The following RAB1B variants were observed in gnomAD, a reference collection of about 807,000 sequenced individuals.
RAB1B encodes ras-related protein Rab-1B.
RAB1B carries 10 observed loss-of-function variants against 24.8 expected under a neutral mutation model. The observed-to-expected ratio is 0.40, with a 90% confidence interval of 0.25 to 0.68. The LOEUF (loss-of-function observed/expected upper bound fraction) is 0.68, where lower values mean the gene tolerates loss of function less well. RAB1B is among the 30% of genes least tolerant of loss of function. The probability of loss-of-function intolerance (pLI) is 0.37; values close to 1 mark genes in which losing one functional copy is unlikely to be tolerated. For missense variants in RAB1B, 154 were observed against 271.2 expected (o/e 0.57, Z 3.04); for synonymous variants, 99 against 111.7 (o/e 0.89, Z 0.72).
In RAB1B at chr11:66,268,822, A is replaced by ACCG. The variant is rs1555003526; in HGVS notation, c.14+131_14+132insGCC. The ACCG allele has an allele frequency of 1.3e-5, 8 of 622,572 alleles. No homozygotes were observed. The African/African-American group carries it at 2.3e-4, about 18-fold the overall frequency. The allele number at this position is 622,572 out of a possible 1,614,324, so 38.6% of individuals were successfully genotyped here. ...CCACATCCGGGTCCCTCTTCCGCTG[A>ACCG]CCCCCCCCCACATCCGGGTTCTGCC... On this transcript the variant is annotated intron_variant, in intron 1 of 5. Transcript: ENST00000311481.
Position 66,276,295 on chromosome 11 carries a change from G to A in RAB1B, c.*57G>A, listed in dbSNP as rs999078475. 5.5e-6 allele frequency: 8 copies of A among 1,459,320 alleles called. No homozygotes were observed. Among genetic ancestry groups the A allele is most frequent in the Middle Eastern group, 3.6e-4 (2 of 5,606 alleles). The allele number at this position is 1,459,320 out of a possible 1,614,324, so 90.4% of individuals were successfully genotyped here. ...ACCTTCTCCAGATGATGTCCCTGGA[G>A]GGGGCAGGAGGTACCTCCCTCTCCC... On this transcript the variant is annotated 3_prime_UTR_variant, in exon 6 of 6. Coordinates refer to ENST00000311481, the MANE Select transcript of RAB1B (RefSeq NM_030981.3).
chr11:66,268,857 A>G (rs1395319699), intron 1 of RAB1B, among the ~76,000 whole-genome samples, 164 bp downstream of exon 1: 2 of 12,148 alleles, frequency 1.6e-4, no homozygotes, highest in Non-Finnish European at 3.3e-4. Context: ...CCCTCCCCCC[A>G]GGGGCCCCAG....
At chr11:66,272,075 G>A (rs1244662557) in intron 2 of RAB1B, 82 bp from the exon 3 acceptor site, 13 of 1,104,340 alleles carry the variant, frequency 1.2e-5, no homozygotes, top group Admixed American at 3.4e-5. Flanking sequence ...AGACCCAGCT[G>A]GGGCAGGGAA....
chr11:66,276,207 C>T lies in RAB1B; in HGVS notation c.575C>T (p.Pro192Leu), dbSNP rs1400095829. 6 of 1,599,238 alleles carry T rather than the reference C, an allele frequency of 3.8e-6. No individual in the cohort carries two copies. Among genetic ancestry groups the T allele is most frequent in the Non-Finnish European group, 4.3e-6 (5 of 1,175,270 alleles). The change falls in exon 6 of 6, where the codon CCT (proline) becomes CTT (leucine). Residue 192 changes from proline to leucine, a missense_variant. This residue lies in a region of RAB1B where 77 missense variants were observed against 97.8 expected (regional missense o/e 0.79). Transcript: ENST00000311481. ...ERPNLKIDST[P>L]VKPAGGGCC ...CCCAATCTCAAGATCGACAGCACCC[C>T]TGTAAAGCCGGCTGGCGGTGGCTGT...
At chr11:66,270,121 T>G (rs1348291449) in intron 1 of RAB1B, 1 of 152,220 alleles carries the variant, frequency 6.6e-6, no homozygotes, top group African/African-American at 2.4e-5. Flanking sequence ...ATGATTCTCG[T>G]GCCTCGGGCT....
intron 1 of RAB1B, chr11:66,270,233 TTTGTTGTTGTTG>T (rs58085258): frequency 0.79 from 118,321 of 149,662 alleles, 46,934 homozygotes; most frequent in Admixed American, 0.83. Context: ...ATAACAGGTT[TTTGTTGTTGTTG>T]TTGTTGTTGT....
intron 1 of RAB1B, chr11:66,270,174 C>T (rs1857031392): frequency 6.6e-6 from 1 of 152,156 alleles, no homozygotes; most frequent in Non-Finnish European, 1.5e-5. Context: ...TGCACCCAGC[C>T]TTAAGTGCAA....
intron 1 of RAB1B, among the ~76,000 whole-genome samples, chr11:66,269,302 C>T (rs943360168): frequency 2.0e-5 from 3 of 152,166 alleles, no homozygotes; most frequent in African/African-American, 4.8e-5. Context: ...CTTTCCCGCC[C>T]TCTCCTCGCT....
chr11:66,275,415 G>C (rs546008953), intron 4 of RAB1B, among the ~76,000 whole-genome samples: 1 of 152,208 alleles, frequency 6.6e-6, no homozygotes, highest in Non-Finnish European at 1.5e-5. Flanking sequence ...TTCAGGCCAC[G>C]GTGGGAACTG....
At chr11:66,270,166 C>T (rs1303248364) in intron 1 of RAB1B, 1 of 152,218 alleles carries the variant, frequency 6.6e-6, no homozygotes, top group Non-Finnish European at 1.5e-5. Context: ...TCAGTCACTG[C>T]ACCCAGCCTT....
chr11:66,271,763 C>A, intron 1 of RAB1B, 34 bp from the exon 2 acceptor site: 1 of 1,538,806 alleles, frequency 6.5e-7, no homozygotes, highest in Non-Finnish European at 9.0e-7. Context: ...GGGCTCCCTG[C>A]CTCCCTTCAC....
At chr11:66,269,569 G>T (rs74394970) in intron 1 of RAB1B, among the ~76,000 whole-genome samples, 1 of 152,178 alleles carries the variant, frequency 6.6e-6, no homozygotes, top group East Asian at 1.9e-4. Context: ...CCAGGTCTCA[G>T]ATTTCCTTGG....
Position 66,271,848 on chromosome 11 carries a change from A to C in RAB1B, c.66A>C (p.Ser22=). 1 of 1,614,040 alleles carries C rather than the reference A, an allele frequency of 6.2e-7. No individual in the cohort carries two copies. Among genetic ancestry groups the C allele is most frequent in the Non-Finnish European group, 8.5e-7 (1 of 1,179,968 alleles). Residue 22 remains serine, a synonymous_variant, in exon 2 of 6, where the codon TCA becomes TCC. Transcript: ENST00000311481. ...TTGGCGACTCAGGCGTGGGCAAGTC[A>C]TGCCTGCTCCTGCGGTTTGCTGTGA... is the stretch of plus-strand genomic sequence containing the variant. ...LLIGDSGVGK[S]CLLLRFADDT... is the part of the protein sequence containing the mutation.
At chr11:66,268,932 C>G in intron 1 of RAB1B, among the ~76,000 whole-genome samples, 1 of 151,834 alleles carries the variant, frequency 6.6e-6, no homozygotes, top group South Asian at 2.1e-4. Flanking sequence ...CCAGGGGCAG[C>G]TCTTGGAGCT....
At chr11:66,268,771 G>C in intron 1 of RAB1B, 78 bp downstream of exon 1, 1 of 1,458,646 alleles carries the variant, frequency 6.9e-7, no homozygotes. Flanking sequence ...GGGTTGTCTG[G>C]CCCGGGTCAG....
At chr11:66,271,584 C>A in intron 1 of RAB1B, 1 of 396,284 alleles carries the variant, frequency 2.5e-6, no homozygotes. Context: ...GTGGGAAGAT[C>A]ACTTTGAGCC....
chr11:66,270,090 A>T (rs1295292704), intron 1 of RAB1B: 1 of 152,100 alleles, frequency 6.6e-6, no homozygotes, highest in African/African-American at 2.4e-5. Flanking sequence ...TCCCAGCCTG[A>T]TCTCAAACTC....
rs1857074569 is a variant in RAB1B, at chr11:66,272,356, G to A, written c.184-9G>A. Reference sequence around the variant, plus strand: ...CAGCTGACCTGCTCCTCTGCCTACTGTCTCCTAGTGGGACACAGCGGGCCA... The same window carrying A: ...CAGCTGACCTGCTCCTCTGCCTACTATCTCCTAGTGGGACACAGCGGGCCA... On this transcript the variant is annotated splice_polypyrimidine_tract_variant and intron_variant, in intron 3 of 5. Transcript: ENST00000311481. 4.3e-6 allele frequency: 7 copies of A among 1,612,298 alleles called. No individual in the cohort carries two copies. The East Asian group carries it at 1.1e-4, about 26-fold the overall frequency.
chr11:66,269,686 A>T (rs376200234), intron 1 of RAB1B: 2 of 152,224 alleles, frequency 1.3e-5, no homozygotes, highest in African/African-American at 4.8e-5. Flanking sequence ...TCTTAAAGCG[A>T]TAAACTGTGT....
Sources: allele counts gnomAD v4.1 joint callset (sites outside exome capture counted in the v4.1 genomes callset), GRCh38; gene constraint gnomAD v4.1.1; regional missense constraint gnomAD v4.1.1; transcripts MANE v1.5; gene names NCBI Gene and HGNC (gene_info 2026-07-23, HGNC 2026-07-21).